DISC1: variants seen among roughly 807,000 people sequenced by gnomAD.
The protein encoded by DISC1 is disrupted in schizophrenia 1 protein.
Under a neutral mutation model 84.5 loss-of-function variants are expected in DISC1, and 57 were observed. The observed-to-expected ratio is 0.67, with a 90% confidence interval of 0.55 to 0.84. The LOEUF is 0.84. DISC1 is among the 40% of genes least tolerant of loss of function. The pLI is 0.00. For synonymous variants in DISC1, 411 were observed against 415.2 expected, an observed-to-expected ratio of 0.99 and a Z score of 0.12; for missense variants, 1,000 against 1,057.8, an observed-to-expected ratio of 0.95 and a Z score of 0.76.
chr1:231,718,946 GC>G (rs2069185704), intron 3 of DISC1, among the ~76,000 whole-genome samples: 1 of 152,156 alleles, frequency 6.6e-6, no homozygotes, highest in Non-Finnish European at 1.5e-5. Context: ...ACCAGCCTGG[GC>G]AAATAGCAGG....
rs184300261 is a variant in DISC1, at chr1:231,886,954, C to T, written c.1981+68437C>T. ...TCAGCTCACTGTAAGCTCTACCTCCCGAGTTCAAGCGATTCTCCTGCCTCA... is the reference window on the plus strand; with the variant it reads ...TCAGCTCACTGTAAGCTCTACCTCCTGAGTTCAAGCGATTCTCCTGCCTCA... On this transcript the variant is annotated intron_variant, in intron 9 of 12. Transcript: ENST00000439617. 2.2e-3 allele frequency among the ~76,000 whole-genome samples: 330 copies of T among 151,182 alleles called. 1 individual carries two copies. The highest frequency in any genetic ancestry group is 7.4e-3 in the African/African-American group (303 of 41,144).
At chr1:231,949,712 C>CA (rs1287080424) in intron 9 of DISC1, among the ~76,000 whole-genome samples, 1 of 152,202 alleles carries the variant, frequency 6.6e-6, no homozygotes. Flanking sequence ...GCTCTCCCAA[C>CA]AGCAACAGCT....
chr1:231,868,125 G>A (rs2085190243), intron 9 of DISC1, among the ~76,000 whole-genome samples: 1 of 152,200 alleles, frequency 6.6e-6, no homozygotes, highest in Non-Finnish European at 1.5e-5. Context: ...CTGCTTTTGA[G>A]AAGAAGTCAC....
At position 231,959,293 on chromosome 1, in the gene DISC1, T is replaced by G. The variant is rs1432332566; in HGVS notation, c.2042+405T>G. The G allele has an allele frequency of 5.1e-6, 5 of 986,588 alleles. No homozygotes were observed. In the East Asian group the frequency reaches 5.6e-4, roughly 111 times the overall value. 61.1% of individuals were successfully genotyped at this position (986,588 alleles called of 1,614,324 possible). ...TAATATAGAAATGCACGTCTTAGGTTCTGTTTTGAATCCTGAATCAAAACC... is the reference window on the plus strand; with the variant it reads ...TAATATAGAAATGCACGTCTTAGGTGCTGTTTTGAATCCTGAATCAAAACC... On this transcript the variant is annotated intron_variant, in intron 10 of 12. Coordinates refer to ENST00000439617, the MANE Select transcript of DISC1 (RefSeq NM_018662.3).
chr1:231,818,824 C>T (rs1263491852), intron 9 of DISC1: 310 of 1,165,920 alleles, frequency 2.7e-4, no homozygotes, highest in Non-Finnish European at 3.2e-4. Context: ...TGAGCATTTT[C>T]TTTGTGTGAC....
chr1:231,946,193 A>C (rs1657162105), intron 9 of DISC1, among the ~76,000 whole-genome samples: 1 of 152,230 alleles, frequency 6.6e-6, no homozygotes, highest in African/African-American at 2.4e-5. Flanking sequence ...TCTGATGAAC[A>C]TAGATGTGAA....
intron 9 of DISC1, among the ~76,000 whole-genome samples, chr1:231,855,552 C>T (rs1330107444): frequency 6.6e-6 from 1 of 152,166 alleles, no homozygotes; most frequent in Non-Finnish European, 1.5e-5. Flanking sequence ...CTTGCATTTA[C>T]AACATAAAGC....
At chr1:231,938,256 A>C (rs1164909954) in intron 9 of DISC1, among the ~76,000 whole-genome samples, 1 of 152,170 alleles carries the variant, frequency 6.6e-6, no homozygotes, top group Non-Finnish European at 1.5e-5. Flanking sequence ...GTTTATCCAG[A>C]TGGGCCCAAT....
chr1:231,981,825 G>T (rs115942818), intron 10 of DISC1, among the ~76,000 whole-genome samples: 1 of 152,164 alleles, frequency 6.6e-6, no homozygotes. Context: ...GACAGAAAGG[G>T]TTATTGTGGT....
intron 12 of DISC1, among the ~76,000 whole-genome samples, chr1:232,030,107 G>A (rs201761155): frequency 9.5e-4 from 144 of 152,328 alleles, no homozygotes; most frequent in Non-Finnish European, 1.6e-3. Flanking sequence ...TGGTGGAGAG[G>A]TGGCTCACGC....
At chr1:231,946,421 C>G (rs1406061680) in intron 9 of DISC1, among the ~76,000 whole-genome samples, 1 of 152,142 alleles carries the variant, frequency 6.6e-6, no homozygotes, top group Non-Finnish European at 1.5e-5. Context: ...CCCCTTCATG[C>G]TAAAAACTCT....
intron 10 of DISC1, among the ~76,000 whole-genome samples, chr1:231,994,195 G>A (rs1665603738): frequency 6.6e-6 from 1 of 152,254 alleles, no homozygotes; most frequent in Non-Finnish European, 1.5e-5. Flanking sequence ...CACCAGGGCT[G>A]AACGTGCACA....
chr1:231,672,652 C>T (rs550013336), intron 1 of DISC1, among the ~76,000 whole-genome samples: 1 of 152,266 alleles, frequency 6.6e-6, no homozygotes, highest in African/African-American at 2.4e-5. Flanking sequence ...CTTTGTGACC[C>T]CCTTGGGCTT....
At chr1:231,859,599 G>A (rs952158583) in intron 9 of DISC1, among the ~76,000 whole-genome samples, 2 of 152,120 alleles carry the variant, frequency 1.3e-5, no homozygotes, top group Admixed American at 6.5e-5. Flanking sequence ...ATGAATTTTG[G>A]GAGGGCACAA....
chr1:231,965,915 A>G (rs769058971), intron 10 of DISC1, among the ~76,000 whole-genome samples: 2 of 152,218 alleles, frequency 1.3e-5, no homozygotes, highest in Non-Finnish European at 2.9e-5. Context: ...GCATTCACTC[A>G]GTCTGTCTAA....
At chr1:231,852,119 C>T (rs1255174575) in intron 9 of DISC1, among the ~76,000 whole-genome samples, 1 of 152,004 alleles carries the variant, frequency 6.6e-6, no homozygotes, top group Non-Finnish European at 1.5e-5. Context: ...GTAACTTGCT[C>T]GAGATCACAC....
chr1:231,995,703 G>T (rs1665856311), intron 10 of DISC1, among the ~76,000 whole-genome samples: 1 of 151,474 alleles, frequency 6.6e-6, no homozygotes, highest in Non-Finnish European at 1.5e-5. Context: ...GTATTCCATG[G>T]TGTATATGTG....
At chr1:231,634,775 G>A (rs2059048292) in intron 1 of DISC1, among the ~76,000 whole-genome samples, 1 of 152,166 alleles carries the variant, frequency 6.6e-6, no homozygotes, top group Non-Finnish European at 1.5e-5. Flanking sequence ...GCCAGGCATG[G>A]TGGTGCATGC....
intron 10 of DISC1, among the ~76,000 whole-genome samples, chr1:231,975,917 A>G (rs1434720162): frequency 1.3e-5 from 2 of 152,228 alleles, no homozygotes; most frequent in Non-Finnish European, 2.9e-5. Context: ...GCCCTGACTT[A>G]ACCACTAGGC....
Sources: gnomAD v4.1 joint callset for allele counts (sites outside exome capture counted in the v4.1 genomes callset) on GRCh38, gnomAD v4.1.1 for gene constraint, MANE v1.5 for transcripts, NCBI Gene and HGNC (gene_info 2026-07-23, HGNC 2026-07-21) for gene names.